The following CFAP299 variants were observed in gnomAD, a reference collection of about 807,000 sequenced individuals.
CFAP299 encodes the protein cilia- and flagella-associated protein 299.
CFAP299 carries 21 observed loss-of-function variants against 27.0 expected under a neutral mutation model. The observed-to-expected ratio is 0.78, with a 90% CI of 0.55 to 1.12. The LOEUF (loss-of-function observed/expected upper bound fraction) is 1.12. CFAP299 is among the 50% of genes most tolerant of loss of function. The pLI is 0.00. For missense variants in CFAP299, 310 were observed against 276.6 expected, an observed-to-expected ratio of 1.12 and a Z score of -0.86; for synonymous variants, 104 against 98.1, an observed-to-expected ratio of 1.06 and a Z score of -0.36.
chr4:80,821,825 T>C (rs1474970568), intron 3 of CFAP299, among the ~76,000 whole-genome samples: 1 of 152,076 alleles, frequency 6.6e-6, no homozygotes, highest in Non-Finnish European at 1.5e-5. Flanking sequence ...AGTGCAGGAT[T>C]GTTCATCCAA....
At chr4:80,660,217 A>T (rs1740771752) in intron 3 of CFAP299, among the ~76,000 whole-genome samples, 2 of 152,170 alleles carry the variant, frequency 1.3e-5, no homozygotes, top group South Asian at 4.1e-4. Flanking sequence ...GAGACATTTT[A>T]GGATAATGTT....
chr4:80,463,806 ATAACAT>A (rs747409481), intron 2 of CFAP299, among the ~76,000 whole-genome samples: 1 of 152,136 alleles, frequency 6.6e-6, no homozygotes, highest in Non-Finnish European at 1.5e-5. Context: ...AATTCAGTCC[ATAACAT>A]TATACTAGAC....
chr4:80,512,304 T>C (rs955591349), intron 2 of CFAP299, among the ~76,000 whole-genome samples: 1 of 151,938 alleles, frequency 6.6e-6, no homozygotes, highest in Non-Finnish European at 1.5e-5. Flanking sequence ...CCTTGATTGA[T>C]TACCTAGATT....
At chr4:80,616,925 C>T (rs1185804040) in intron 3 of CFAP299, among the ~76,000 whole-genome samples, 1 of 152,006 alleles carries the variant, frequency 6.6e-6, no homozygotes, top group Non-Finnish European at 1.5e-5. Context: ...AGCAAAGATG[C>T]TGAGATGAAT....
At chr4:80,390,617 A>G (rs367716422) in intron 2 of CFAP299, among the ~76,000 whole-genome samples, 1 of 126,946 alleles carries the variant, frequency 7.9e-6, no homozygotes, top group Non-Finnish European at 1.6e-5. Flanking sequence ...ACACATATGT[A>G]TATATGTATA....
intron 3 of CFAP299, among the ~76,000 whole-genome samples, chr4:80,745,714 T>G (rs1205368646): frequency 6.6e-6 from 1 of 152,030 alleles, no homozygotes; most frequent in Admixed American, 6.6e-5. Flanking sequence ...TTTATTTAGA[T>G]TTCTGAAATT....
chr4:80,877,861 T>A (rs1733497047), intron 4 of CFAP299, among the ~76,000 whole-genome samples: 1 of 152,120 alleles, frequency 6.6e-6, no homozygotes, highest in Non-Finnish European at 1.5e-5. Flanking sequence ...ATTGTTAACA[T>A]TTTTCCAAAC....
intron 2 of CFAP299, among the ~76,000 whole-genome samples, chr4:80,410,183 T>C (rs949083244): frequency 2.6e-5 from 4 of 152,192 alleles, no homozygotes; most frequent in Non-Finnish European, 5.9e-5. Context: ...TACTTTTAAA[T>C]TGTAGCAAGA....
At chr4:80,521,949 C>T (rs1732934826) in intron 2 of CFAP299, among the ~76,000 whole-genome samples, 1 of 151,938 alleles carries the variant, frequency 6.6e-6, no homozygotes, top group Non-Finnish European at 1.5e-5. Context: ...ATATCTTTTC[C>T]AGACCCTGTT....
At chr4:80,682,012 T>C (rs754766290) in intron 3 of CFAP299, among the ~76,000 whole-genome samples, 3 of 152,112 alleles carry the variant, frequency 2.0e-5, no homozygotes, top group Non-Finnish European at 4.4e-5. Flanking sequence ...TTGGGATACA[T>C]GTGAAGAAGA....
At chr4:80,802,703 G>T (rs1578141606) in intron 3 of CFAP299, among the ~76,000 whole-genome samples, 1 of 152,018 alleles carries the variant, frequency 6.6e-6, no homozygotes, top group Admixed American at 6.6e-5. Flanking sequence ...TTGAAAGAGA[G>T]TATTTGTGTT....
Position 80,963,661 on chromosome 4 carries a change from C to T in CFAP299, c.*49C>T, listed in dbSNP as rs548100184. The T allele has an allele frequency of 1.8e-4, 226 of 1,248,678 alleles. No individual in the cohort carries two copies. The highest frequency in any genetic ancestry group is 1.7e-3 in the Middle Eastern group (9 of 5,268). The allele number at this position is 1,248,678 out of a possible 1,614,324, so 77.3% of individuals were successfully genotyped here. A position where few individuals can be genotyped will look rare whatever the true frequency, so the allele number is the denominator to read the frequency against. ...TAATTTGCTAAATTTAAATAAATTC[C>T]GTAGACAGAGCAAATTAGAATAATA... On this transcript the variant is annotated 3_prime_UTR_variant, in exon 6 of 6. Transcript: ENST00000358105.
At chr4:80,410,908 C>A (rs1407561150) in intron 2 of CFAP299, among the ~76,000 whole-genome samples, 1 of 151,990 alleles carries the variant, frequency 6.6e-6, no homozygotes, top group East Asian at 1.9e-4. Context: ...TTAATACTGG[C>A]AGCTTTTGTT....
chr4:80,634,727 C>T (rs1209689616), intron 3 of CFAP299, among the ~76,000 whole-genome samples: 2 of 151,978 alleles, frequency 1.3e-5, no homozygotes, highest in African/African-American at 4.8e-5. Flanking sequence ...AAAGTACAAC[C>T]ACATTGTATC....
At chr4:80,505,544 A>G (rs985853679) in intron 2 of CFAP299, among the ~76,000 whole-genome samples, 6 of 148,584 alleles carry the variant, frequency 4.0e-5, no homozygotes, top group African/African-American at 1.3e-4. Flanking sequence ...ATTGTTATGA[A>G]TAGCAATCAA....
At chr4:80,537,662 G>A (rs1470699476) in intron 2 of CFAP299, among the ~76,000 whole-genome samples, 2 of 152,098 alleles carry the variant, frequency 1.3e-5, no homozygotes, top group African/African-American at 4.8e-5. Flanking sequence ...GAGTTGAATG[G>A]TGGTTGCTGG....
chr4:80,484,754 A>G (rs1472028555), intron 2 of CFAP299, among the ~76,000 whole-genome samples: 3 of 152,190 alleles, frequency 2.0e-5, no homozygotes, highest in African/African-American at 7.2e-5. Flanking sequence ...AATTTTAAAT[A>G]ATAAGAACTT....
chr4:80,699,281 A>C (rs1254750734), intron 3 of CFAP299, among the ~76,000 whole-genome samples: 1 of 152,266 alleles, frequency 6.6e-6, no homozygotes, highest in African/African-American at 2.4e-5. Context: ...TGGGCATAGC[A>C]GACTCCTCTG....
chr4:80,589,783 G>A (rs1005251153), intron 3 of CFAP299, among the ~76,000 whole-genome samples: 13 of 152,310 alleles, frequency 8.5e-5, no homozygotes, highest in African/African-American at 2.9e-4. Context: ...AAAATTTAAA[G>A]AGACCAGTTA....
Sources: gnomAD v4.1 joint callset for allele counts (sites outside exome capture counted in the v4.1 genomes callset) on GRCh38, gnomAD v4.1.1 for gene constraint, MANE v1.5 for transcripts, NCBI Gene and HGNC (gene_info 2026-07-23, HGNC 2026-07-21) for gene names.